NXPE2: variants seen among roughly 807,000 people sequenced by gnomAD.
The protein encoded by NXPE2 is NXPE family member 2.
Under a neutral mutation model 34.4 loss-of-function variants are expected in NXPE2, and 34 were observed. That is an observed-to-expected ratio of 0.99 (90% CI 0.75 to 1.31). The LOEUF (loss-of-function observed/expected upper bound fraction) is 1.31, where lower values mean the gene tolerates loss of function less well. Ranked by LOEUF, NXPE2 falls within the 40% of genes most tolerant of loss-of-function variation. NXPE2 has a pLI of 0.00. For missense variants in NXPE2, 649 were observed against 672.5 expected, an observed-to-expected ratio of 0.97 and a Z score of 0.39; for synonymous variants, 235 against 231.3, an observed-to-expected ratio of 1.02 and a Z score of -0.15.
At chr11:114,663,626 T>A in the NXPE2 span, among the ~76,000 whole-genome samples, 1 of 55,560 alleles carries the variant, frequency 1.8e-5, no homozygotes, top group South Asian at 5.7e-4. Flanking sequence ...TCTATCTATC[T>A]ATCTATCTAT....
the NXPE2 span, chr11:114,521,813 A>T: frequency 5.1e-6 from 3 of 590,354 alleles, no homozygotes; most frequent in Admixed American, 3.2e-5. Flanking sequence ...TGCATCCCTT[A>T]TCAGTTGTCA....
intron 2 of NXPE2, among the ~76,000 whole-genome samples, chr11:114,696,123 G>A (rs1041359253): frequency 1.3e-5 from 2 of 151,930 alleles, no homozygotes; most frequent in Non-Finnish European, 2.9e-5. Flanking sequence ...GATCCCTTAA[G>A]CCCAAGAGTT....
At chr11:114,619,549 G>A in the NXPE2 span, among the ~76,000 whole-genome samples, 12 of 148,910 alleles carry the variant, frequency 8.1e-5, no homozygotes, top group African/African-American at 3.0e-4. Context: ...TTGCCTTGTG[G>A]GTAACCACTG....
the NXPE2 span, among the ~76,000 whole-genome samples, chr11:114,753,155 C>T: frequency 6.6e-6 from 1 of 152,028 alleles, no homozygotes; most frequent in Non-Finnish European, 1.5e-5. Flanking sequence ...ACCTGTAGTC[C>T]CTGCACTTTC....
chr11:114,762,932 T>G, the NXPE2 span, among the ~76,000 whole-genome samples: 1 of 151,926 alleles, frequency 6.6e-6, no homozygotes, highest in African/African-American at 2.4e-5. Flanking sequence ...GACTTCAACA[T>G]CTACTGCTTG....
the NXPE2 span, among the ~76,000 whole-genome samples, chr11:114,672,154 A>C: frequency 6.6e-6 from 1 of 152,156 alleles, no homozygotes; most frequent in Non-Finnish European, 1.5e-5. Flanking sequence ...CCATGATTCA[A>C]TCACTTCCCA....
chr11:114,522,346 T>C, the NXPE2 span: 1 of 1,614,138 alleles, frequency 6.2e-7, no homozygotes, highest in Non-Finnish European at 8.5e-7. Context: ...GCCGGTCAAT[T>C]TCCCGAGGGA....
the NXPE2 span, among the ~76,000 whole-genome samples, chr11:114,515,606 G>T: frequency 6.6e-6 from 1 of 152,136 alleles, no homozygotes; most frequent in East Asian, 1.9e-4. Flanking sequence ...GAAAGAAAAG[G>T]GAAGAAACAA....
the NXPE2 span, among the ~76,000 whole-genome samples, chr11:114,715,893 C>T: frequency 9.2e-3 from 1,398 of 152,260 alleles, 20 homozygotes; most frequent in African/African-American, 0.031. Context: ...CCACAACCAC[C>T]TAAGTAGCTG....
At chr11:114,549,694 C>T in the NXPE2 span, among the ~76,000 whole-genome samples, 2 of 152,156 alleles carry the variant, frequency 1.3e-5, no homozygotes, top group South Asian at 2.1e-4. Context: ...CCTACTATCT[C>T]ATTACTTTCA....
At chr11:114,731,350 G>A in the NXPE2 span, among the ~76,000 whole-genome samples, 1 of 152,184 alleles carries the variant, frequency 6.6e-6, no homozygotes, top group African/African-American at 2.4e-5. Context: ...TTAACCATAT[G>A]AACCAGAGAC....
the NXPE2 span, among the ~76,000 whole-genome samples, chr11:114,574,169 A>G: frequency 6.6e-6 from 1 of 152,152 alleles, no homozygotes; most frequent in African/African-American, 2.4e-5. Context: ...CTGAACCATA[A>G]TAGTGATACA....
At chr11:114,789,440 C>G in the NXPE2 span, among the ~76,000 whole-genome samples, 2 of 152,216 alleles carry the variant, frequency 1.3e-5, no homozygotes, top group East Asian at 1.9e-4. Context: ...TCAACCCACT[C>G]TCTAGCATAG....
chr11:114,764,806 A>G, the NXPE2 span, among the ~76,000 whole-genome samples: 1 of 152,178 alleles, frequency 6.6e-6, no homozygotes, highest in South Asian at 2.1e-4. Flanking sequence ...AAAAGTTTCT[A>G]TCTCACTCAT....
the NXPE2 span, chr11:114,551,180 G>C: frequency 1.3e-6 from 2 of 1,534,756 alleles, no homozygotes; most frequent in East Asian, 4.9e-5. Context: ...AGCGTTTTTT[G>C]AAGCATTGTA....
the NXPE2 span, among the ~76,000 whole-genome samples, chr11:114,641,208 A>T: frequency 6.6e-6 from 1 of 152,150 alleles, no homozygotes; most frequent in East Asian, 1.9e-4. Context: ...AGGAATATAG[A>T]GTTGAGAAAA....
chr11:114,771,646 C>CCTCACCCTT, the NXPE2 span, among the ~76,000 whole-genome samples: 1 of 152,146 alleles, frequency 6.6e-6, no homozygotes, highest in Admixed American at 6.5e-5. Flanking sequence ...TTTGCGTGTA[C>CCTCACCCTT]CTCACCCTTT....
the NXPE2 span, among the ~76,000 whole-genome samples, chr11:114,637,424 C>T: frequency 1.3e-5 from 2 of 151,990 alleles, no homozygotes; most frequent in Non-Finnish European, 2.9e-5. Flanking sequence ...TCCAATTTGC[C>T]AGTCTGTGTC....
chr11:114,581,843 C>G, the NXPE2 span: 1 of 1,176,694 alleles, frequency 8.5e-7, no homozygotes, highest in Non-Finnish European at 1.3e-6. Flanking sequence ...AGGAAACATA[C>G]AGAAACTAGA....
Sources: gnomAD v4.1 joint callset for allele counts (sites outside exome capture counted in the v4.1 genomes callset) on GRCh38, gnomAD v4.1.1 for gene constraint, MANE v1.5 for transcripts, NCBI Gene and HGNC (gene_info 2026-07-23, HGNC 2026-07-21) for gene names.